IMPA2: variants seen among roughly 807,000 people sequenced by gnomAD.
The protein encoded by IMPA2 is inositol monophosphatase 2, also known as IMP 2.
A neutral mutation model predicts 35.1 loss-of-function variants in IMPA2; 32 were observed. The ratio of observed to expected loss-of-function variants is 0.91; its 90% confidence interval spans 0.69 to 1.23. The LOEUF (loss-of-function observed/expected upper bound fraction) is 1.23. IMPA2 is among the 50% of genes most tolerant of loss of function. The pLI is 0.00. For missense variants in IMPA2, 334 were observed against 387.6 expected, an observed-to-expected ratio of 0.86 and a Z score of 1.16; for synonymous variants, 135 against 160.6, an observed-to-expected ratio of 0.84 and a Z score of 1.20.
chr18:12,029,958 G>A (rs1908000660), intron 7 of IMPA2, among the ~76,000 whole-genome samples: 2 of 152,360 alleles, frequency 1.3e-5, no homozygotes, highest in Admixed American at 1.3e-4. Context: ...TGTTGAGGCA[G>A]AGCCTTGGTT....
chr18:12,019,902 G>A (rs2143817850), intron 5 of IMPA2, among the ~76,000 whole-genome samples: 2 of 152,262 alleles, frequency 1.3e-5, no homozygotes, highest in South Asian at 4.1e-4. Flanking sequence ...TTTTGAGACA[G>A]TCTTGCTCTG....
Position 11,983,984 on chromosome 18 carries a change from G to A in IMPA2, c.96+2219G>A, listed in dbSNP as rs541611730. On this transcript the variant is annotated intron_variant, in intron 1 of 7. Coordinates refer to ENST00000269159, the MANE Select transcript of IMPA2 (RefSeq NM_014214.3). ...TGGCAAAGTCGCAGGGCCCCCAGAT[G>A]CTCACCCTTCACTAGCACCCAGCAT... Among the ~76,000 whole-genome samples, 3 of 152,282 alleles carry A rather than the reference G, an allele frequency of 2.0e-5. No individual in the cohort carries two copies. In the South Asian group the frequency reaches 6.2e-4, roughly 32 times the overall value.
intron 6 of IMPA2, 180 bp from the exon 7 acceptor site, chr18:12,028,662 G>A: frequency 1.4e-6 from 1 of 691,038 alleles, no homozygotes; most frequent in Non-Finnish European, 2.4e-6. Context: ...GCGTCTGGCG[G>A]AGGCCTGTTG....
Position 12,014,348 on chromosome 18 carries a change from G to T in IMPA2, c.465G>T (p.Gln155His), listed in dbSNP as rs1207478207. Residue 155 changes from glutamine (Q) to histidine (H), a missense_variant, in exon 5 of 8, where the codon CAG becomes CAT. By Grantham distance (24) the Gln-to-His change is conservative (BLOSUM62 0). Coordinates refer to ENST00000269159, the MANE Select transcript of IMPA2 (RefSeq NM_014214.3). Reference sequence around the variant, plus strand: ...GTCGGGGCGCCTTCTGCAATGGCCAGCGGCTCCGGGTCTCCGGGGAGACAG... The same window carrying T: ...GTCGGGGCGCCTTCTGCAATGGCCATCGGCTCCGGGTCTCCGGGGAGACAG... ...RRGRGAFCNG[Q>H]RLRVSGETDL... The T allele has an allele frequency of 6.2e-7, 1 of 1,600,736 alleles. No homozygotes were observed. The highest frequency in any genetic ancestry group is 2.3e-5 in the East Asian group (1 of 44,180).
In IMPA2 at chr18:12,016,298, C is replaced by T. The variant is rs192873273; in HGVS notation, c.490+1925C>T. 1.3e-4 allele frequency among the ~76,000 whole-genome samples: 20 copies of T among 152,224 alleles called. No individual in the cohort carries two copies. The East Asian group carries it at 2.5e-3, about 19-fold the overall frequency. On this transcript the variant is annotated intron_variant, in intron 5 of 7. Transcript: ENST00000269159. ...GGCCCATTCAGGACAGGCGGTTCCACGTGTTTTCTACCATGGTTGTTTTCT... is the reference window on the plus strand; with the variant it reads ...GGCCCATTCAGGACAGGCGGTTCCATGTGTTTTCTACCATGGTTGTTTTCT...
intron 5 of IMPA2, among the ~76,000 whole-genome samples, chr18:12,026,323 G>A (rs1428367166): frequency 7.2e-5 from 11 of 152,148 alleles, no homozygotes; most frequent in Admixed American, 7.2e-4. Context: ...GTGAGCCATC[G>A]CGCCCGACCA....
chr18:11,984,987 A>C (rs74648811), intron 1 of IMPA2, among the ~76,000 whole-genome samples: 2 of 140,648 alleles, frequency 1.4e-5, no homozygotes, highest in African/African-American at 5.5e-5. Flanking sequence ...AAAAAAAAAC[A>C]ACAAAAATCA....
rs542269150 is a variant in IMPA2, at chr18:12,015,003, G to A, written c.490+630G>A. On this transcript the variant is annotated intron_variant, in intron 5 of 7. Transcript: ENST00000269159. ...GTTTAGGTTTTCACTGATTCTTTTC[G>A]GCCTTTCTCCCACATGGATGAATCT... 3.3e-5 allele frequency among the ~76,000 whole-genome samples: 5 copies of A among 152,204 alleles called. No homozygotes were observed. The South Asian group carries it at 8.3e-4, about 25-fold the overall frequency.
At chr18:12,026,709 G>A (rs575712403) in intron 5 of IMPA2, among the ~76,000 whole-genome samples, 1 of 152,310 alleles carries the variant, frequency 6.6e-6, no homozygotes, top group East Asian at 1.9e-4. Context: ...GGTTGCTGGA[G>A]CCTGTCTGCA....
At position 12,008,234 on chromosome 18, in the gene IMPA2, G is replaced by C. The variant is rs961445932; in HGVS notation, c.231-1649G>C. ...TGATCTCGAACTCCTGACCTCAGGT[G>C]ATCTGCCCGCCTTGGCCTCCCACAG... On this transcript the variant is annotated intron_variant, in intron 2 of 7. Transcript: ENST00000269159. The C allele has an allele frequency of 6.7e-5, 31 of 465,418 alleles. 2 individuals carry two copies. The highest frequency in any genetic ancestry group is 4.7e-4 in the South Asian group (31 of 66,000). The allele number at this position is 465,418 out of a possible 1,614,324, so 28.8% of individuals were successfully genotyped here.
chr18:12,000,420 G>A (rs983424795), intron 2 of IMPA2, among the ~76,000 whole-genome samples: 10 of 138,298 alleles, frequency 7.2e-5, no homozygotes, highest in Non-Finnish European at 1.5e-4. Context: ...TTTTTTTCCC[G>A]TCGTTTCCTT....
intron 1 of IMPA2, among the ~76,000 whole-genome samples, chr18:11,987,687 G>A (rs1307929454): frequency 1.3e-5 from 2 of 152,152 alleles, no homozygotes; most frequent in Non-Finnish European, 2.9e-5. Context: ...TACGGGTAAC[G>A]TTGCTGTGAA....
chr18:11,993,062 T>A (rs986653495), intron 1 of IMPA2, among the ~76,000 whole-genome samples: 6 of 133,688 alleles, frequency 4.5e-5, no homozygotes, highest in Non-Finnish European at 9.2e-5. Context: ...TTTTCTCAGA[T>A]ACATGTTCTC....
intron 5 of IMPA2, among the ~76,000 whole-genome samples, chr18:12,016,469 A>G (rs1454373852): frequency 6.8e-6 from 1 of 147,504 alleles, no homozygotes; most frequent in Admixed American, 6.9e-5. Context: ...TCTGTCACCC[A>G]GGCTGGAGTG....
intron 7 of IMPA2, among the ~76,000 whole-genome samples, chr18:12,029,261 C>T (rs571581140): frequency 6.6e-6 from 1 of 151,520 alleles, no homozygotes; most frequent in African/African-American, 2.4e-5. Flanking sequence ...ATTACAGGTG[C>T]GTGCTACCAT....
rs1188224535 is a variant in IMPA2, at chr18:11,991,482, G to A, written c.97-7572G>A. Among the ~76,000 whole-genome samples the A allele has an allele frequency of 6.6e-6, 1 of 152,128 alleles. No homozygotes were observed. Among genetic ancestry groups the A allele is most frequent in the Non-Finnish European group, 1.5e-5 (1 of 68,022 alleles). On this transcript the variant is annotated intron_variant, in intron 1 of 7. Coordinates refer to ENST00000269159, the MANE Select transcript of IMPA2 (RefSeq NM_014214.3). The surrounding 1 kb of genome is among the most constrained non-coding windows in gnomAD (Gnocchi z 4.1). Reference sequence around the variant, plus strand: ...CCACATGTGCCACATGACACCATGTGATAGGCGTGTTATTACCTGGGTACC... The same window carrying A: ...CCACATGTGCCACATGACACCATGTAATAGGCGTGTTATTACCTGGGTACC...
intron 1 of IMPA2, among the ~76,000 whole-genome samples, chr18:11,992,663 G>A (rs1568027626): frequency 6.6e-6 from 1 of 152,202 alleles, no homozygotes; most frequent in Non-Finnish European, 1.5e-5. Flanking sequence ...TCTGTGAAGT[G>A]CATGCTTAGT....
chr18:12,012,459 C>T (rs557142815), intron 4 of IMPA2: 2 of 540,792 alleles, frequency 3.7e-6, no homozygotes, highest in South Asian at 5.7e-5. Context: ...CTCGTGTCAA[C>T]CGTGGTCTAT....
At chr18:12,023,360 C>T (rs1023976152) in intron 5 of IMPA2, among the ~76,000 whole-genome samples, 3 of 152,184 alleles carry the variant, frequency 2.0e-5, no homozygotes, top group African/African-American at 7.2e-5. Context: ...GGGGCAGTGG[C>T]ACGTAGGCTG....
Sources: gnomAD v4.1 joint callset for allele counts (sites outside exome capture counted in the v4.1 genomes callset) on GRCh38, gnomAD v4.1.1 for gene constraint, Gnocchi (gnomAD v3.1) non-coding constraint, MANE v1.5 for transcripts, NCBI Gene and HGNC (gene_info 2026-07-23, HGNC 2026-07-21) for gene names.